Variants in DOCK2 observed in about 807,000 individuals in gnomAD.
DOCK2 encodes the protein dedicator of cytokinesis 2, also known as dedicator of cytokinesis protein 2.
Under a neutral mutation model 248.9 loss-of-function variants are expected in DOCK2, and 87 were observed. The observed-to-expected ratio is 0.35, with a 90% CI of 0.29 to 0.42. The LOEUF (loss-of-function observed/expected upper bound fraction) is 0.42, where lower values mean the gene tolerates loss of function less well. Among genes scored for constraint, DOCK2 ranks in the 10% least tolerant of loss-of-function variants. The pLI is 1.00. For synonymous variants in DOCK2, 805 were observed against 821.6 expected (o/e 0.98, Z 0.35); for missense variants, 1,747 against 2,300.2 (o/e 0.76, Z 4.92).
At chr5:170,071,000 G>A (rs1010555730) in intron 46 of DOCK2, among the ~76,000 whole-genome samples, 1 of 152,148 alleles carries the variant, frequency 6.6e-6, no homozygotes, top group Non-Finnish European at 1.5e-5. Context: ...CCTAGTGGCC[G>A]CCTTCTCCTT....
intron 26 of DOCK2, among the ~76,000 whole-genome samples, chr5:169,826,726 G>A (rs1768887209): frequency 6.6e-6 from 1 of 152,162 alleles, no homozygotes; most frequent in Admixed American, 6.5e-5. Flanking sequence ...AATATGGAGA[G>A]GCAGTGTTAT....
chr5:170,029,687 C>G (rs1008214161), intron 34 of DOCK2, among the ~76,000 whole-genome samples: 1 of 152,192 alleles, frequency 6.6e-6, no homozygotes, highest in African/African-American at 2.4e-5. Context: ...GGAACATGAC[C>G]CAGACATCCC....
At chr5:170,015,818 C>G (rs1235027756) in intron 32 of DOCK2, among the ~76,000 whole-genome samples, 1 of 150,730 alleles carries the variant, frequency 6.6e-6, no homozygotes, top group Admixed American at 6.6e-5. Flanking sequence ...CCCTCCCTCC[C>G]TCCTTTTCTT....
intron 27 of DOCK2, among the ~76,000 whole-genome samples, chr5:169,893,824 A>T (rs1773436310): frequency 6.6e-6 from 1 of 152,224 alleles, no homozygotes. Flanking sequence ...AACATTTTCC[A>T]CATGGGAGAG....
At chr5:169,977,888 A>T (rs1252057189) in intron 27 of DOCK2, among the ~76,000 whole-genome samples, 1 of 152,252 alleles carries the variant, frequency 6.6e-6, no homozygotes, top group Non-Finnish European at 1.5e-5. Flanking sequence ...GACCCACCAC[A>T]CAGACAGCAC....
At chr5:169,760,985 T>C (rs1581152510) in intron 24 of DOCK2, among the ~76,000 whole-genome samples, 2 of 152,374 alleles carry the variant, frequency 1.3e-5, no homozygotes. Context: ...CCAAACTGGT[T>C]CTAATCCACA....
At chr5:169,784,993 G>T (rs1427586270) in intron 25 of DOCK2, among the ~76,000 whole-genome samples, 1 of 152,190 alleles carries the variant, frequency 6.6e-6, no homozygotes, top group Non-Finnish European at 1.5e-5. Context: ...GCTCTATGAA[G>T]ATAGATATGG....
intron 38 of DOCK2, among the ~76,000 whole-genome samples, chr5:170,042,625 T>C (rs181954816): frequency 6.6e-6 from 1 of 152,294 alleles, no homozygotes; most frequent in Non-Finnish European, 1.5e-5. Context: ...TGTACTTGCT[T>C]TTCCCAGCTG....
intron 26 of DOCK2, among the ~76,000 whole-genome samples, chr5:169,835,851 T>C (rs920454211): frequency 6.6e-6 from 1 of 151,604 alleles, no homozygotes; most frequent in Non-Finnish European, 1.5e-5. Flanking sequence ...AACCTCAACT[T>C]TCTGGGCTCA....
intron 36 of DOCK2, among the ~76,000 whole-genome samples, chr5:170,039,979 C>T (rs751595779): frequency 1.3e-5 from 2 of 152,180 alleles, no homozygotes; most frequent in Non-Finnish European, 2.9e-5. Context: ...CTGTTTCCAA[C>T]GGTGGCAGGA....
At chr5:169,975,455 T>A (rs1777681327) in intron 27 of DOCK2, among the ~76,000 whole-genome samples, 2 of 152,202 alleles carry the variant, frequency 1.3e-5, no homozygotes, top group South Asian at 4.1e-4. Flanking sequence ...GACTGCTGCC[T>A]GTCTCTCTGA....
chr5:169,803,252 T>G (rs1439610941), intron 26 of DOCK2, 46 bp downstream of exon 26: 1 of 1,585,596 alleles, frequency 6.3e-7, no homozygotes, highest in East Asian at 2.3e-5. Flanking sequence ...AGACTAGGGC[T>G]AAGTTGATTA....
At chr5:169,911,555 T>C (rs1310997672) in intron 27 of DOCK2, among the ~76,000 whole-genome samples, 2 of 152,224 alleles carry the variant, frequency 1.3e-5, no homozygotes, top group Non-Finnish European at 2.9e-5. Context: ...GATAAAACTT[T>C]AGGAGTAATT....
chr5:169,830,105 C>T (rs569461501), intron 26 of DOCK2, among the ~76,000 whole-genome samples: 2 of 152,294 alleles, frequency 1.3e-5, no homozygotes, highest in South Asian at 4.1e-4. Flanking sequence ...AGTGCAAGAA[C>T]CTTGCAACCA....
chr5:169,847,313 C>T (rs543701815), intron 27 of DOCK2, among the ~76,000 whole-genome samples: 1 of 152,322 alleles, frequency 6.6e-6, no homozygotes, highest in East Asian at 1.9e-4. Context: ...TTCCCACCAG[C>T]AGTGTATAAA....
intron 27 of DOCK2, among the ~76,000 whole-genome samples, chr5:169,919,076 C>T (rs1775033981): frequency 1.3e-5 from 2 of 152,286 alleles, no homozygotes; most frequent in South Asian, 4.1e-4. Flanking sequence ...CATAATATTT[C>T]AGCCTTTTCC....
chr5:169,963,202 T>C (rs748002623), intron 27 of DOCK2, among the ~76,000 whole-genome samples: 1 of 152,216 alleles, frequency 6.6e-6, no homozygotes, highest in Admixed American at 6.5e-5. Context: ...TAATGTTGCC[T>C]CTTTAAAGTG....
intron 27 of DOCK2, among the ~76,000 whole-genome samples, chr5:169,910,877 G>T (rs2113618451): frequency 6.6e-6 from 1 of 152,306 alleles, no homozygotes; most frequent in South Asian, 2.1e-4. Context: ...GGTTTCTCCT[G>T]CAGGGGGTTG....
intron 44 of DOCK2, among the ~76,000 whole-genome samples, chr5:170,058,981 C>T (rs996421659): frequency 6.6e-6 from 1 of 152,134 alleles, no homozygotes; most frequent in Non-Finnish European, 1.5e-5. Flanking sequence ...TGCATGATCT[C>T]ATTTCAACCC....
Sources: gnomAD v4.1 joint callset for allele counts (sites outside exome capture counted in the v4.1 genomes callset) on GRCh38, gnomAD v4.1.1 for gene constraint, MANE v1.5 for transcripts, NCBI Gene and HGNC (gene_info 2026-07-23, HGNC 2026-07-21) for gene names.